The following GRAMD1B variants were observed in gnomAD, a reference collection of about 807,000 sequenced individuals.
GRAMD1B encodes GRAM domain containing 1B.
Under a neutral mutation model 99.7 loss-of-function variants are expected in GRAMD1B, and 37 were observed. The ratio of observed to expected loss-of-function variants is 0.37; its 90% CI spans 0.29 to 0.49. The LOEUF (loss-of-function observed/expected upper bound fraction) is 0.49, where lower values mean the gene tolerates loss of function less well. GRAMD1B is among the 20% of genes least tolerant of loss of function. GRAMD1B has a pLI of 0.98. For missense variants in GRAMD1B, 888 were observed against 1,009.2 expected, an observed-to-expected ratio of 0.88 and a Z score of 1.63; for synonymous variants, 427 against 387.6, an observed-to-expected ratio of 1.10 and a Z score of -1.19.
chr11:123,502,156 T>C (rs1939931474), intron 2 of GRAMD1B, among the ~76,000 whole-genome samples: 2 of 152,238 alleles, frequency 1.3e-5, no homozygotes, highest in African/African-American at 4.8e-5. Flanking sequence ...GAGCATAGTC[T>C]GTTTGCACCT....
intron 17 of GRAMD1B, among the ~76,000 whole-genome samples, chr11:123,617,826 GAGA>G (rs747211581): frequency 2.0e-4 from 30 of 151,662 alleles, no homozygotes; most frequent in Admixed American, 4.6e-4. Flanking sequence ...GTGAGGCTGA[GAGA>G]AGGAGAGAAT....
At chr11:123,478,304 G>A (rs965609694) in intron 1 of GRAMD1B, among the ~76,000 whole-genome samples, 2 of 152,204 alleles carry the variant, frequency 1.3e-5, no homozygotes, top group East Asian at 1.9e-4. Context: ...GAGCCAACCC[G>A]CCTGGTTCCA....
Position 123,581,250 on chromosome 11 carries a change from G to T in GRAMD1B, c.664-3062G>T, listed in dbSNP as rs1949324015. On this transcript the variant is annotated intron_variant, in intron 3 of 19. Transcript: ENST00000635736. The stretch of plus-strand genomic sequence containing the variant: ...TGTCCTGACTCCCTTCTTCCTCTTT[G>T]GCCAAATCCATGTGTTTATAAGCTG... 1.3e-5 allele frequency among the ~76,000 whole-genome samples: 2 copies of T among 152,112 alleles called. 1 individual carries two copies. Among genetic ancestry groups the T allele is most frequent in the Non-Finnish European group, 2.9e-5 (2 of 68,020 alleles).
chr11:123,410,424 G>A (rs1429814492), intron 1 of GRAMD1B, among the ~76,000 whole-genome samples: 1 of 152,112 alleles, frequency 6.6e-6, no homozygotes, highest in Non-Finnish European at 1.5e-5. Flanking sequence ...AAACTCCTGA[G>A]AGAGAGCAAA....
chr11:123,593,096 G>T (rs746341921), intron 4 of GRAMD1B, among the ~76,000 whole-genome samples: 23 of 151,994 alleles, frequency 1.5e-4, no homozygotes, highest in Non-Finnish European at 3.1e-4. Context: ...GCCGGGAGAG[G>T]TGGCACATAC....
rs1402025003 is a variant in GRAMD1B at position 123,608,865 on chromosome 11, A to G, written c.1657+63A>G. Reference sequence around the variant, plus strand: ...CTTCATCCTCACTTCTTCCCTCTCTACATTTGCTTCCTTCCCTTCCTTATT... The same window carrying G: ...CTTCATCCTCACTTCTTCCCTCTCTGCATTTGCTTCCTTCCCTTCCTTATT... On this transcript the variant is annotated intron_variant, in intron 12 of 19. Transcript: ENST00000635736. The G allele has an allele frequency of 3.6e-5, 40 of 1,115,624 alleles. No homozygotes were observed. In the East Asian group the frequency reaches 9.3e-4, roughly 26 times the overall value. The allele number at this position is 1,115,624 out of a possible 1,614,324, so 69.1% of individuals were successfully genotyped here.
rs1951585031 is a variant in GRAMD1B, at chr11:123,598,675, A to C, written c.970-1793A>C. ...AAGAGAGCGGATTTCAATCTGTCCA[A>C]ACCCAGAGAGGCCAACTCCTCCCAG... On this transcript the variant is annotated intron_variant, in intron 7 of 19. Coordinates refer to ENST00000635736, the MANE Select transcript of GRAMD1B (RefSeq NM_001387025.1). 3 of 1,139,818 alleles carry C rather than the reference A, an allele frequency of 2.6e-6. No individual in the cohort carries two copies. The Admixed American group carries it at 5.1e-5, about 19-fold the overall frequency. 70.6% of individuals were successfully genotyped at this position (1,139,818 alleles called of 1,614,324 possible).
intron 1 of GRAMD1B, among the ~76,000 whole-genome samples, chr11:123,424,298 CAATCTG>C (rs1487043773): frequency 2.0e-5 from 3 of 151,086 alleles, no homozygotes; most frequent in African/African-American, 7.3e-5. Flanking sequence ...AAACCCAAAC[CAATCTG>C]AATAGCAACC....
chr11:123,499,198 A>G (rs1939603323), intron 2 of GRAMD1B, among the ~76,000 whole-genome samples: 1 of 152,158 alleles, frequency 6.6e-6, no homozygotes, highest in Non-Finnish European at 1.5e-5. Flanking sequence ...AGCCCCCATG[A>G]TGGAACTGGT....
chr11:123,534,636 G>A (rs1565341083), intron 2 of GRAMD1B, among the ~76,000 whole-genome samples: 1 of 152,118 alleles, frequency 6.6e-6, no homozygotes, highest in Admixed American at 6.6e-5. Flanking sequence ...GCCGAGGCGG[G>A]TGGATCACAT....
chr11:123,492,892 A>ACACACACACACACG lies in GRAMD1B; in HGVS notation c.452+12002_452+12003insACACACACACGCAC, dbSNP rs946657451. Among the ~76,000 whole-genome samples the ACACACACACACACG allele has an allele frequency of 7.7e-4, 117 of 151,734 alleles. No homozygotes were observed. Among genetic ancestry groups the ACACACACACACACG allele is most frequent in the African/African-American group, 2.7e-3 (113 of 41,224 alleles). On this transcript the variant is annotated intron_variant, in intron 2 of 19. Transcript: ENST00000635736. This position sits in a 1 kb window ranked among gnomAD's most constrained non-coding sequence, Gnocchi z 4.2. ...CACACACACACACACACACACACAC[A>ACACACACACACACG]CACGCATAGGCATAGATGCCTGTGA...
chr11:123,475,664 TAG>T (rs1951230329), intron 1 of GRAMD1B, among the ~76,000 whole-genome samples: 1 of 152,194 alleles, frequency 6.6e-6, no homozygotes, highest in Non-Finnish European at 1.5e-5. Flanking sequence ...AATCCTAGTT[TAG>T]AGTTTCTTTT....
At chr11:123,474,155 A>G (rs1951148273) in intron 1 of GRAMD1B, among the ~76,000 whole-genome samples, 1 of 152,198 alleles carries the variant, frequency 6.6e-6, no homozygotes, top group Non-Finnish European at 1.5e-5. Flanking sequence ...GATATCCACC[A>G]TTTATGATAC....
chr11:123,549,880 G>A (rs192787387), intron 2 of GRAMD1B, among the ~76,000 whole-genome samples: 49 of 152,174 alleles, frequency 3.2e-4, no homozygotes, highest in Non-Finnish European at 6.6e-4. Context: ...TGCTGCCCTG[G>A]GGGAGGGTGA....
chr11:123,505,968 A>G (rs979149354), intron 2 of GRAMD1B, among the ~76,000 whole-genome samples: 7 of 152,100 alleles, frequency 4.6e-5, no homozygotes, highest in Admixed American at 4.6e-4. Flanking sequence ...AGTTCTGTGA[A>G]TCTCTTTCTG....
chr11:123,512,889 C>G (rs1456631042), intron 2 of GRAMD1B, among the ~76,000 whole-genome samples: 3 of 151,790 alleles, frequency 2.0e-5, no homozygotes, highest in African/African-American at 7.3e-5. Flanking sequence ...GGGAGAGTAT[C>G]CTTGGCTTTC....
At chr11:123,419,741 G>GAA (rs1332298372) in intron 1 of GRAMD1B, among the ~76,000 whole-genome samples, 15 of 139,748 alleles carry the variant, frequency 1.1e-4, no homozygotes, top group African/African-American at 3.7e-4. Flanking sequence ...GTGTGTGTGT[G>GAA]TGTGTGAATG....
chr11:123,411,633 G>T (rs1294136353), intron 1 of GRAMD1B, among the ~76,000 whole-genome samples: 13 of 152,044 alleles, frequency 8.6e-5, no homozygotes, highest in Non-Finnish European at 2.9e-5. Flanking sequence ...TTCAATTAAG[G>T]AATTAATTTA....
At chr11:123,405,648 G>A (rs1342218909) in intron 1 of GRAMD1B, among the ~76,000 whole-genome samples, 1 of 152,122 alleles carries the variant, frequency 6.6e-6, no homozygotes, top group Non-Finnish European at 1.5e-5. Flanking sequence ...CCAAGTCAGA[G>A]AATTAGGAAC....
Sources: gnomAD v4.1 joint callset for allele counts (sites outside exome capture counted in the v4.1 genomes callset) on GRCh38, gnomAD v4.1.1 for gene constraint, Gnocchi (gnomAD v3.1) non-coding constraint, MANE v1.5 for transcripts, NCBI Gene and HGNC (gene_info 2026-07-23, HGNC 2026-07-21) for gene names.